Variants in TP63 observed in about 807,000 individuals in gnomAD.
TP63 encodes the protein tumor protein 63.
A neutral mutation model predicts 82.8 loss-of-function variants in TP63; 17 were observed. The observed-to-expected ratio is 0.21, with a 90% CI of 0.14 to 0.31. The LOEUF (loss-of-function observed/expected upper bound fraction) is 0.31, where lower values mean the gene tolerates loss of function less well. TP63 is among the 10% of genes least tolerant of loss of function. TP63 has a pLI of 1.00. For synonymous variants in TP63, 330 were observed against 321.7 expected (o/e 1.03, Z -0.28); for missense variants, 648 against 895.3 (o/e 0.72, Z 3.52).
At chr3:189,791,834 G>T (rs938571902) in intron 3 of TP63, among the ~76,000 whole-genome samples, 2 of 151,992 alleles carry the variant, frequency 1.3e-5, no homozygotes, top group East Asian at 1.9e-4. Flanking sequence ...GAAATGCCTG[G>T]CACCACATGG....
intron 4 of TP63, among the ~76,000 whole-genome samples, chr3:189,852,971 G>T (rs1286603571): frequency 1.3e-5 from 2 of 151,790 alleles, no homozygotes; most frequent in Non-Finnish European, 2.9e-5. Context: ...TTCTTTCTTG[G>T]GTGCACAATC....
intron 3 of TP63, among the ~76,000 whole-genome samples, chr3:189,758,718 C>T (rs139503866): frequency 1.3e-5 from 2 of 152,320 alleles, no homozygotes; most frequent in Non-Finnish European, 2.9e-5. Flanking sequence ...GAGTTGAGGT[C>T]TCTGCAGACC....
intron 11 of TP63, among the ~76,000 whole-genome samples, chr3:189,887,476 G>T (rs549310739): frequency 6.6e-6 from 1 of 152,032 alleles, no homozygotes; most frequent in Admixed American, 6.6e-5. Context: ...TATCAGCTAA[G>T]TACAAATGAA....
intron 10 of TP63, chr3:189,881,210 A>T (rs1400062275): frequency 1.0e-6 from 1 of 985,274 alleles, no homozygotes; most frequent in Non-Finnish European, 1.2e-6. Context: ...ATCCAAGCAG[A>T]CGTGTTAAAA....
chr3:189,792,106 G>C (rs1725200258), intron 3 of TP63, among the ~76,000 whole-genome samples: 1 of 151,954 alleles, frequency 6.6e-6, no homozygotes, highest in South Asian at 2.1e-4. Flanking sequence ...AACTATATAA[G>C]AACACTGTTC....
chr3:189,748,761 T>A (rs1252864869), intron 3 of TP63, among the ~76,000 whole-genome samples: 2 of 152,114 alleles, frequency 1.3e-5, no homozygotes, highest in Admixed American at 1.3e-4. Context: ...ACTGGAGGCA[T>A]CTCACTACCT....
At chr3:189,886,702 C>A in intron 11 of TP63, 151 bp downstream of exon 11, 1 of 1,116,578 alleles carries the variant, frequency 9.0e-7, no homozygotes, top group South Asian at 1.5e-5. Context: ...TCTGACTGAA[C>A]CTTTCACTTT....
At chr3:189,639,839 G>C (rs953910714) in intron 1 of TP63, among the ~76,000 whole-genome samples, 2 of 152,016 alleles carry the variant, frequency 1.3e-5, no homozygotes. Context: ...AACATATACA[G>C]GTTTATAATA....
Position 189,858,176 on chromosome 3 carries a change from C to A in TP63, c.580-6056C>A, listed in dbSNP as rs1404183522. Among the ~76,000 whole-genome samples the A allele has an allele frequency of 1.4e-4, 2 of 14,588 alleles. 1 individual carries two copies. Among genetic ancestry groups the A allele is most frequent in the African/African-American group, 1.0e-3 (2 of 1,914 alleles). The allele number at this position is 14,588 out of a possible 152,430, so 9.6% of individuals were successfully genotyped here. On this transcript the variant is annotated intron_variant, in intron 4 of 13. Transcript: ENST00000264731. The stretch of plus-strand genomic sequence containing the variant: ...ATCCCAGCACTTTGGGAGGCCGAGG[C>A]GGGCGGATCACGAGGTCAGGAGATC...
At chr3:189,626,846 C>G (rs1419278216), upstream of TP63, among the ~76,000 whole-genome samples, 1 of 152,142 alleles carries the variant, frequency 6.6e-6, no homozygotes, top group Non-Finnish European at 1.5e-5. Flanking sequence ...ACAGCCCTTT[C>G]TGAGATGTGT....
rs112285694 is a variant in TP63 at position 189,868,240 on chromosome 3, G to GT, written c.992+306dup. 8.9e-4 allele frequency among the ~76,000 whole-genome samples: 136 copies of GT among 152,220 alleles called. 2 individuals are homozygous for GT. The South Asian group carries it at 0.026, about 30-fold the overall frequency. On this transcript the variant is annotated intron_variant, in intron 7 of 13. Coordinates refer to ENST00000264731, the MANE Select transcript of TP63 (RefSeq NM_003722.5). ...ACCATGGTCCTCAAGGCATTTCACA[G>GT]TTTTTTTTAAGTCTGCGCTGCCTTA...
At chr3:189,796,913 A>G (rs554073991) in intron 3 of TP63, among the ~76,000 whole-genome samples, 3 of 152,112 alleles carry the variant, frequency 2.0e-5, no homozygotes, top group Non-Finnish European at 4.4e-5. Flanking sequence ...TTCAAAGACA[A>G]AGTACAAATG....
chr3:189,749,413 G>A (rs62279905), intron 3 of TP63, among the ~76,000 whole-genome samples: 1 of 152,046 alleles, frequency 6.6e-6, no homozygotes, highest in Non-Finnish European at 1.5e-5. Context: ...AAAAAAAGAT[G>A]TAAAAATGGC....
intron 1 of TP63, among the ~76,000 whole-genome samples, chr3:189,660,196 A>G (rs2108651766): frequency 6.6e-6 from 1 of 152,196 alleles, no homozygotes; most frequent in East Asian, 1.9e-4. Flanking sequence ...TCTTAAATTT[A>G]AATCTTTAAT....
the TP63 span, among the ~76,000 whole-genome samples, chr3:189,600,679 C>T: frequency 6.6e-6 from 1 of 152,080 alleles, no homozygotes; most frequent in Non-Finnish European, 1.5e-5. Context: ...AATTAATGTT[C>T]GATCTAGGTC....
chr3:189,777,135 A>G (rs532223302), intron 3 of TP63, among the ~76,000 whole-genome samples: 1 of 152,038 alleles, frequency 6.6e-6, no homozygotes, highest in East Asian at 1.9e-4. Context: ...TGTCTTTCCT[A>G]CTCTATCTTC....
the TP63 span, among the ~76,000 whole-genome samples, chr3:189,597,928 C>CAAAA: frequency 7.6e-6 from 1 of 130,866 alleles, no homozygotes; most frequent in Non-Finnish European, 1.7e-5. Flanking sequence ...GACCCTGCCT[C>CAAAA]AAAAAAAAAA....
At chr3:189,715,999 A>T (rs1718930099) in intron 1 of TP63, among the ~76,000 whole-genome samples, 1 of 152,202 alleles carries the variant, frequency 6.6e-6, no homozygotes, top group South Asian at 2.1e-4. Context: ...CTCACTACGT[A>T]CTATACTAAA....
intron 4 of TP63, among the ~76,000 whole-genome samples, chr3:189,862,922 T>C (rs968476062): frequency 2.6e-5 from 4 of 152,204 alleles, no homozygotes; most frequent in South Asian, 2.1e-4. Flanking sequence ...TTTTCTAGCA[T>C]TGGGAAACTT....
Sources: allele counts gnomAD v4.1 joint callset (sites outside exome capture counted in the v4.1 genomes callset), GRCh38; gene constraint gnomAD v4.1.1; transcripts MANE v1.5; gene names NCBI Gene and HGNC (gene_info 2026-07-23, HGNC 2026-07-21).